GPD2: variants seen among roughly 807,000 people sequenced by gnomAD.
GPD2 encodes the protein glycerol-3-phosphate dehydrogenase 2.
GPD2 carries 54 observed loss-of-function variants against 82.4 expected under a neutral mutation model. The ratio of observed to expected loss-of-function variants is 0.66; its 90% CI spans 0.53 to 0.82. The LOEUF is 0.82. Ranked by LOEUF, GPD2 falls within the 40% of genes least tolerant of loss-of-function variation. The pLI, the probability that GPD2 is intolerant of heterozygous loss-of-function variation, is 0.00. For synonymous variants in GPD2, 288 were observed against 306.1 expected (o/e 0.94, Z 0.62); for missense variants, 748 against 896.2 (o/e 0.83, Z 2.11).
At chr2:156,539,312 G>A (rs938760893) in intron 6 of GPD2, among the ~76,000 whole-genome samples, 5 of 152,200 alleles carry the variant, frequency 3.3e-5, no homozygotes, top group African/African-American at 1.2e-4. Flanking sequence ...AGACTCTGAT[G>A]AGGAAAGGGA....
chr2:156,567,399 T>A (rs969659608), intron 9 of GPD2, among the ~76,000 whole-genome samples: 1 of 152,114 alleles, frequency 6.6e-6, no homozygotes, highest in Non-Finnish European at 1.5e-5. Flanking sequence ...AGGGTCCACC[T>A]TCATTCTTTC....
chr2:156,449,298 T>C (rs1682470824), intron 1 of GPD2, among the ~76,000 whole-genome samples: 1 of 152,176 alleles, frequency 6.6e-6, no homozygotes, highest in African/African-American at 2.4e-5. Context: ...TTAGATTTCA[T>C]TCTAGGGTGC....
chr2:156,578,961 G>T lies in GPD2; in HGVS notation c.1840G>T (p.Asp614Tyr), dbSNP rs1331817643. 1 of 1,610,650 alleles carries T rather than the reference G, an allele frequency of 6.2e-7. No individual in the cohort carries two copies. Among genetic ancestry groups the T allele is most frequent in the Non-Finnish European group, 8.5e-7 (1 of 1,177,060 alleles). Residue 614 changes from aspartate to tyrosine, a missense_variant, in exon 14 of 17, where the codon GAT becomes TAT. By Grantham distance (160) the Asp-to-Tyr change is radical (BLOSUM62 -3). Around this residue, in one of 3 missense-constraint regions of GPD2, gnomAD observed 692 missense variants for 809.7 expected, o/e 0.85. Transcript: ENST00000438166. ...TAAATCTCGATCAGAACAGTTAACA[G>T]ATCGCTCTGAAATTAGCCTACTGCC... is the stretch of plus-strand genomic sequence containing the variant. Reference protein sequence around the residue: ...GYKSRSEQLTDRSEISLLPSD... With the variant: ...GYKSRSEQLTYRSEISLLPSD...
the GPD2 span, among the ~76,000 whole-genome samples, chr2:156,423,908 A>T: frequency 6.6e-6 from 1 of 152,124 alleles, no homozygotes; most frequent in Non-Finnish European, 1.5e-5. Flanking sequence ...GCGCTTTCCT[A>T]TCTCCCCAGT....
intron 2 of GPD2, among the ~76,000 whole-genome samples, chr2:156,480,065 A>C (rs974873363): frequency 1.3e-5 from 2 of 152,178 alleles, no homozygotes; most frequent in Non-Finnish European, 2.9e-5. Context: ...TTAATAATAC[A>C]CTTTTAATTG....
At chr2:156,515,929 A>G (rs996726214) in intron 6 of GPD2, among the ~76,000 whole-genome samples, 10 of 152,252 alleles carry the variant, frequency 6.6e-5, no homozygotes, top group Non-Finnish European at 1.5e-4. Flanking sequence ...TTTACATAAT[A>G]TGGTGTGATG....
chr2:156,582,770 C>G, intron 16 of GPD2, 23 bp from the exon 17 acceptor site: 1 of 1,611,878 alleles, frequency 6.2e-7, no homozygotes, highest in South Asian at 1.1e-5. Flanking sequence ...CGTTCTGAAT[C>G]TGTTGCATAT....
intron 6 of GPD2, among the ~76,000 whole-genome samples, chr2:156,519,539 T>C (rs543861420): frequency 6.6e-6 from 1 of 152,378 alleles, no homozygotes; most frequent in East Asian, 1.9e-4. Context: ...GCTCCTACCC[T>C]TTTTGTATCC....
At chr2:156,532,887 A>G (rs1685920698) in intron 6 of GPD2, among the ~76,000 whole-genome samples, 1 of 152,222 alleles carries the variant, frequency 6.6e-6, no homozygotes, top group Admixed American at 6.5e-5. Context: ...TAGTTGCCAT[A>G]AAAGTTTTTC....
At chr2:156,414,346 T>C in the GPD2 span, among the ~76,000 whole-genome samples, 1 of 152,204 alleles carries the variant, frequency 6.6e-6, no homozygotes, top group Non-Finnish European at 1.5e-5. Flanking sequence ...CTTTAAATTG[T>C]ATATAAACTG....
At chr2:156,568,531 G>A (rs1259387418) in intron 9 of GPD2, among the ~76,000 whole-genome samples, 1 of 151,980 alleles carries the variant, frequency 6.6e-6, no homozygotes, top group Non-Finnish European at 1.5e-5. Flanking sequence ...GCTCCAGGTT[G>A]CTTCAGCTGG....
chr2:156,542,799 G>C (rs558783210), intron 6 of GPD2, among the ~76,000 whole-genome samples: 1 of 152,092 alleles, frequency 6.6e-6, no homozygotes, highest in Non-Finnish European at 1.5e-5. Context: ...GTAACTGCCT[G>C]TCCAAAATAT....
At chr2:156,424,826 T>C in the GPD2 span, among the ~76,000 whole-genome samples, 256 of 152,348 alleles carry the variant, frequency 1.7e-3, no homozygotes, top group African/African-American at 6.0e-3. Flanking sequence ...GGACAAAAGC[T>C]TTGTAGAAGT....
intron 9 of GPD2, among the ~76,000 whole-genome samples, chr2:156,563,106 A>G (rs1420370360): frequency 3.9e-5 from 6 of 152,124 alleles, no homozygotes; most frequent in Admixed American, 3.3e-4. Flanking sequence ...GTCACTAGAA[A>G]CCTACATGAA....
chr2:156,525,027 C>G (rs1311653697), intron 6 of GPD2, among the ~76,000 whole-genome samples: 1 of 152,124 alleles, frequency 6.6e-6, no homozygotes, highest in African/African-American at 2.4e-5. Context: ...CCTGTATCAA[C>G]TATCTGCCTA....
intron 1 of GPD2, among the ~76,000 whole-genome samples, chr2:156,463,511 T>C (rs2105179610): frequency 6.6e-6 from 1 of 152,308 alleles, no homozygotes; most frequent in African/African-American, 2.4e-5. Flanking sequence ...CTTCATCTAT[T>C]GAATGAAGAA....
intron 1 of GPD2, among the ~76,000 whole-genome samples, chr2:156,470,899 T>C (rs1349595222): frequency 6.6e-6 from 1 of 152,248 alleles, no homozygotes. Flanking sequence ...CATTTTGTTG[T>C]GTAGCAATTA....
chr2:156,570,166 G>A lies in GPD2; in HGVS notation c.1556G>A (p.Trp519Ter), dbSNP rs1196899730. 3 of 1,612,828 alleles carry A rather than the reference G, an allele frequency of 1.9e-6. No individual in the cohort carries two copies. Among genetic ancestry groups the A allele is most frequent in the Non-Finnish European group, 2.5e-6 (3 of 1,179,166 alleles). The change falls in exon 12 of 17, where the codon TGG becomes TAG. Residue 519 changes from tryptophan to a stop codon, truncating the protein, a stop_gained. Coordinates refer to ENST00000438166, the MANE Select transcript of GPD2 (RefSeq NM_000408.5). LOFTEE classifies it high-confidence loss of function. ...AKMASVTGKRWPIVGVRLVSE... is the reference protein window; with the variant it reads ...AKMASVTGKR Reference sequence around the variant, plus strand: ...ATGGCAAGTGTGACTGGCAAAAGGTGGCCTATTGTTGGAGTACGTCTTGTG... The same window carrying A: ...ATGGCAAGTGTGACTGGCAAAAGGTAGCCTATTGTTGGAGTACGTCTTGTG...
At chr2:156,446,347 C>T (rs1444359300) in intron 1 of GPD2, among the ~76,000 whole-genome samples, 1 of 152,044 alleles carries the variant, frequency 6.6e-6, no homozygotes, top group Non-Finnish European at 1.5e-5. Flanking sequence ...CCGCCCGCCT[C>T]AACCTCTCCA....
Sources: allele counts gnomAD v4.1 joint callset (sites outside exome capture counted in the v4.1 genomes callset), GRCh38; gene constraint gnomAD v4.1.1; regional missense constraint gnomAD v4.1.1; transcripts MANE v1.5; gene names NCBI Gene and HGNC (gene_info 2026-07-23, HGNC 2026-07-21).